DAPK1: variants seen among roughly 807,000 people sequenced by gnomAD.
The protein encoded by DAPK1 is death associated protein kinase 1, also known as death-associated protein kinase 1.
In DAPK1, 56 loss-of-function variants were observed where a neutral mutation model predicts 144.9. That is an observed-to-expected ratio of 0.39 (90% confidence interval 0.31 to 0.48). The LOEUF is 0.48. DAPK1 is among the 20% of genes least tolerant of loss of function. DAPK1 has a pLI of 0.95. For synonymous variants in DAPK1, 690 were observed against 749.0 expected (o/e 0.92, Z 1.29); for missense variants, 1,454 against 1,875.4 (o/e 0.78, Z 4.15).
chr9:87,677,072 G>T (rs1007904073), intron 19 of DAPK1, among the ~76,000 whole-genome samples: 1 of 152,336 alleles, frequency 6.6e-6, no homozygotes, highest in East Asian at 1.9e-4. Context: ...GTGAGTGAAG[G>T]CATAGCATGA....
chr9:87,645,799 C>T, intron 11 of DAPK1, 96 bp from the exon 12 acceptor site: 2 of 1,465,590 alleles, frequency 1.4e-6, no homozygotes, highest in Non-Finnish European at 1.9e-6. Flanking sequence ...CCTCTGAATG[C>T]CCCTGTTAAC....
chr9:87,698,705 C>G lies in DAPK1; in HGVS notation c.2661C>G (p.Thr887=), dbSNP rs1383985838. The part of the protein sequence containing the change: ...KNPLQVVLVA[T]HADIMNVPRP... ...CACTCCAAGTTGTCCTGGTGGCCAC[C>G]CACGCTGACATCATGAATGTTCCTC... The change falls in exon 23 of 26, where the codon ACC becomes ACG. Residue 887 remains threonine (T), a synonymous_variant. Transcript: ENST00000408954. 1.3e-6 allele frequency: 2 copies of G among 1,596,690 alleles called. No homozygotes were observed. Among genetic ancestry groups the G allele is most frequent in the East Asian group, 2.2e-5 (1 of 44,806 alleles).
At chr9:87,668,504 C>A in intron 18 of DAPK1, 93 bp from the exon 19 acceptor site, 1 of 832,852 alleles carries the variant, frequency 1.2e-6, no homozygotes, top group Non-Finnish European at 2.1e-6. Flanking sequence ...ACCTGCTATG[C>A]TTGTTTCTGC....
At position 87,643,366 on chromosome 9, in the gene DAPK1, TAAAA is replaced by T. The variant is rs1554695945; in HGVS notation, c.919-5_919-2del. 1.5e-6 allele frequency: 2 copies of T among 1,349,846 alleles called. No homozygotes were observed. Among genetic ancestry groups the T allele is most frequent in the Admixed American group, 5.1e-5 (2 of 39,272 alleles). The allele number at this position is 1,349,846 out of a possible 1,614,324, so 83.6% of individuals were successfully genotyped here. ...CCCTCCCTTTTTTTTTTTTTTTTTTTAAAAAAAAGCAATCCGTTCGCTTGATATC... is the reference window on the plus strand; with the variant it reads ...CCCTCCCTTTTTTTTTTTTTTTTTTTAAAAGCAATCCGTTCGCTTGATATC... On this transcript the variant is annotated splice_polypyrimidine_tract_variant and splice_region_variant and intron_variant, in intron 10 of 25. Coordinates refer to ENST00000408954, the MANE Select transcript of DAPK1 (RefSeq NM_004938.4).
intron 3 of DAPK1, among the ~76,000 whole-genome samples, chr9:87,615,760 A>G (rs1471937654): frequency 6.6e-6 from 1 of 151,974 alleles, no homozygotes; most frequent in Non-Finnish European, 1.5e-5. Context: ...CTTGCGTGCA[A>G]CTCTAGGAGA....
intron 2 of DAPK1, among the ~76,000 whole-genome samples, chr9:87,570,075 G>A (rs566854546): frequency 4.6e-5 from 7 of 152,182 alleles, no homozygotes; most frequent in Non-Finnish European, 8.8e-5. Flanking sequence ...ACCTTATCTT[G>A]AAGTTTGCAT....
chr9:87,538,771 A>T (rs1390516352), intron 2 of DAPK1, among the ~76,000 whole-genome samples: 1 of 152,144 alleles, frequency 6.6e-6, no homozygotes, highest in Non-Finnish European at 1.5e-5. Context: ...CTTGTAACTT[A>T]AAAAATTAAA....
chr9:87,652,356 G>T (rs1830477810), intron 17 of DAPK1, among the ~76,000 whole-genome samples: 1 of 99,746 alleles, frequency 1.0e-5, no homozygotes, highest in African/African-American at 4.1e-5. Flanking sequence ...TCCTGATTCT[G>T]TGTCCTCCCA....
chr9:87,682,055 CCTT>C (rs2119338016), intron 20 of DAPK1, among the ~76,000 whole-genome samples: 1 of 152,292 alleles, frequency 6.6e-6, no homozygotes, highest in Non-Finnish European at 1.5e-5. Flanking sequence ...CAACCCTTAT[CCTT>C]CTTTCTGGAG....
chr9:87,548,978 A>G (rs1372205401), intron 2 of DAPK1, among the ~76,000 whole-genome samples: 1 of 116,416 alleles, frequency 8.6e-6, no homozygotes, highest in Non-Finnish European at 1.6e-5. Context: ...CATTTGCAGG[A>G]TGTACAGGTT....
chr9:87,607,274 C>T (rs1012953670), intron 3 of DAPK1, among the ~76,000 whole-genome samples: 1 of 152,168 alleles, frequency 6.6e-6, no homozygotes, highest in African/African-American at 2.4e-5. Context: ...AGGGCAAATC[C>T]TTTCTTGTCT....
At position 87,692,229 on chromosome 9, in the gene DAPK1, T is replaced by A. The variant is rs141936232; in HGVS notation, c.2414-4778T>A. Among the ~76,000 whole-genome samples the A allele has an allele frequency of 1.2e-3, 146 of 124,850 alleles. No individual in the cohort carries two copies. In the East Asian group the frequency reaches 0.03, roughly 26 times the overall value. The allele number at this position is 124,850 out of a possible 152,430, so 81.9% of individuals were successfully genotyped here. A position where few individuals can be genotyped will look rare whatever the true frequency, so the allele number is the denominator to read the frequency against. On this transcript the variant is annotated intron_variant, in intron 21 of 25. Transcript: ENST00000408954. ...TGCTGAATTGATCCCTTTTGCATTA[T>A]ATAATGACCTTCTTTTTTTTTTTTT...
At chr9:87,518,434 GCCCTTTAAAAGGGAAAA>G (rs1371439280) in intron 2 of DAPK1, among the ~76,000 whole-genome samples, 1 of 151,878 alleles carries the variant, frequency 6.6e-6, no homozygotes, top group Non-Finnish European at 1.5e-5. Context: ...AGCCATATTT[GCCCTTTAAAAGGGAAAA>G]CCTAAGGAAA....
rs746235419 is a variant in DAPK1 at position 87,707,224 on chromosome 9, C to T, written c.4153C>T (p.Arg1385Cys). 7 of 1,614,172 alleles carry T rather than the reference C, an allele frequency of 4.3e-6. No homozygotes were observed. The highest frequency in any genetic ancestry group is 5.9e-6 in the Non-Finnish European group (7 of 1,180,030). ...CATGTCCAAACTGAGGGAGCTGGGT[C>T]GCCGGGATGCCGCAGACTTTTTGCT... The part of the protein sequence containing the change: ...TLMSKLRELG[R>C]RDAADFLLKA... The change falls in exon 26 of 26, where the codon CGC (arginine) becomes TGC (cysteine). Residue 1385 changes from arginine (R) to cysteine (C), a missense_variant. Arg to Cys is a radical substitution (Grantham distance 180, BLOSUM62 -3). This residue lies in a region of DAPK1 where 1,025 missense variants were observed against 1,237.9 expected (regional missense o/e 0.83). Coordinates refer to ENST00000408954, the MANE Select transcript of DAPK1 (RefSeq NM_004938.4). This position sits in a 1 kb window ranked among gnomAD's most constrained non-coding sequence, Gnocchi z 4.0.
intron 3 of DAPK1, among the ~76,000 whole-genome samples, chr9:87,619,175 T>G (rs1829203033): frequency 6.6e-6 from 1 of 152,216 alleles, no homozygotes. Flanking sequence ...TCTCTGGATT[T>G]CCTACCCACT....
intron 3 of DAPK1, among the ~76,000 whole-genome samples, chr9:87,634,071 T>C (rs36210665): frequency 4.8e-4 from 73 of 152,354 alleles, no homozygotes; most frequent in African/African-American, 1.7e-3. Flanking sequence ...TTATGGCCTA[T>C]AGGCCAAACC....
intron 17 of DAPK1, among the ~76,000 whole-genome samples, chr9:87,655,332 G>A (rs1456409225): frequency 6.6e-6 from 1 of 152,136 alleles, no homozygotes; most frequent in Non-Finnish European, 1.5e-5. Context: ...TTCTTCAGAA[G>A]GGTTGCTGTC....
chr9:87,622,002 G>GATTCC (rs1829311303), intron 3 of DAPK1, among the ~76,000 whole-genome samples: 4 of 151,512 alleles, frequency 2.6e-5, no homozygotes, highest in African/African-American at 9.7e-5. Context: ...AATGACTTGG[G>GATTCC]ATGCACATTG....
intron 18 of DAPK1, among the ~76,000 whole-genome samples, chr9:87,658,524 G>C (rs1358530073): frequency 1.3e-5 from 2 of 152,098 alleles, no homozygotes; most frequent in Non-Finnish European, 1.5e-5. Context: ...GTGGGTGTTG[G>C]GTGCAGTCTC....
Sources: allele counts gnomAD v4.1 joint callset (sites outside exome capture counted in the v4.1 genomes callset), GRCh38; gene constraint gnomAD v4.1.1; regional missense constraint gnomAD v4.1.1; non-coding constraint Gnocchi (gnomAD v3.1); transcripts MANE v1.5; gene names NCBI Gene and HGNC (gene_info 2026-07-23, HGNC 2026-07-21).